PTPRT: variants seen among roughly 807,000 people sequenced by gnomAD.
The protein encoded by PTPRT is receptor-type tyrosine-protein phosphatase T.
PTPRT carries 56 observed loss-of-function variants against 176.8 expected under a neutral mutation model. The observed-to-expected ratio is 0.32, with a 90% CI of 0.26 to 0.40. The LOEUF (loss-of-function observed/expected upper bound fraction) is 0.40, where lower values mean the gene tolerates loss of function less well. Among genes scored for constraint, PTPRT ranks in the 10% least tolerant of loss-of-function variants. The pLI is 1.00. For synonymous variants in PTPRT, 783 were observed against 739.0 expected (o/e 1.06, Z -0.96); for missense variants, 1,540 against 1,908.2 (o/e 0.81, Z 3.60).
chr20:42,994,399 T>C (rs1217439630), intron 1 of PTPRT, among the ~76,000 whole-genome samples: 1 of 152,170 alleles, frequency 6.6e-6, no homozygotes, highest in African/African-American at 2.4e-5. Context: ...GTGACTTGAA[T>C]TAGAAATCAC....
chr20:42,141,868 T>C (rs1359129349), intron 18 of PTPRT, 47 bp downstream of exon 18: 1 of 1,512,206 alleles, frequency 6.6e-7, no homozygotes, highest in Non-Finnish European at 9.2e-7. Context: ...TCTTTTCCCC[T>C]GCATCCTCAA....
intron 15 of PTPRT, 76 bp downstream of exon 15, chr20:42,236,153 T>C (rs887805452): frequency 1.6e-6 from 2 of 1,274,842 alleles, no homozygotes; most frequent in African/African-American, 3.0e-5. Context: ...AACAGACACT[T>C]GGTTGGTGCA....
At chr20:42,425,318 G>A (rs560850620) in intron 9 of PTPRT, among the ~76,000 whole-genome samples, 10 of 152,308 alleles carry the variant, frequency 6.6e-5, no homozygotes, top group African/African-American at 2.4e-4. Context: ...GAGGAGGTGA[G>A]ATGAAGTCTC....
At chr20:42,348,551 A>G (rs1158434484) in intron 11 of PTPRT, among the ~76,000 whole-genome samples, 1 of 152,134 alleles carries the variant, frequency 6.6e-6, no homozygotes, top group African/African-American at 2.4e-5. Flanking sequence ...GCCTGAGTCA[A>G]CTGACTTAGC....
intron 13 of PTPRT, among the ~76,000 whole-genome samples, chr20:42,256,223 A>G (rs2056636335): frequency 6.6e-6 from 1 of 152,170 alleles, no homozygotes; most frequent in Non-Finnish European, 1.5e-5. Context: ...AGCACCATAA[A>G]CCTTCTTGAT....
At chr20:42,652,775 C>G (rs1044941944) in intron 7 of PTPRT, among the ~76,000 whole-genome samples, 13 of 152,156 alleles carry the variant, frequency 8.5e-5, no homozygotes, top group Non-Finnish European at 1.5e-4. Flanking sequence ...GTGCAGATTT[C>G]CTGAACAGTG....
At chr20:42,035,141 C>T in the PTPRT span, among the ~76,000 whole-genome samples, 1 of 152,190 alleles carries the variant, frequency 6.6e-6, no homozygotes. Context: ...GCTAAGTCCA[C>T]ATTCAAATTT....
rs1569113401 is a variant in PTPRT, at chr20:42,725,009, T to TGTGTGTGTGTGTGTG, written c.859+31452_859+31453insCACACACACACACAC. On this transcript the variant is annotated intron_variant, in intron 6 of 30. Transcript: ENST00000373187. ...CTTGACAGCAGGATGTGGACATCTT[T>TGTGTGTGTGTGTGTG]TGTGTGTGTGTGTGTGTGTGTGTGT... 1.1e-3 allele frequency among the ~76,000 whole-genome samples: 141 copies of TGTGTGTGTGTGTGTG among 134,038 alleles called. 2 individuals carry two copies. The highest frequency in any genetic ancestry group is 3.5e-3 in the African/African-American group (135 of 38,050). The allele number at this position is 134,038 out of a possible 152,430, so 87.9% of individuals were successfully genotyped here.
At chr20:42,981,086 T>A (rs989617480) in intron 1 of PTPRT, among the ~76,000 whole-genome samples, 2 of 152,216 alleles carry the variant, frequency 1.3e-5, no homozygotes, top group African/African-American at 4.8e-5. Flanking sequence ...TCTTAAGAAT[T>A]CCTCGTCCCT....
chr20:42,700,016 A>T lies in PTPRT; in HGVS notation c.860-21857T>A, dbSNP rs574854131. Among the ~76,000 whole-genome samples, 4 of 152,178 alleles carry T rather than the reference A, an allele frequency of 2.6e-5. No individual in the cohort carries two copies. In the South Asian group the frequency reaches 8.3e-4, roughly 32 times the overall value. ...CAGGTCTTGATCCTTCTCCCTGACA[A>T]CAGCAGTGAGACCCTGACCCCTGAT... On this transcript the variant is annotated intron_variant, in intron 6 of 30. Coordinates refer to ENST00000373187, the MANE Select transcript of PTPRT (RefSeq NM_007050.6).
intron 8 of PTPRT, among the ~76,000 whole-genome samples, chr20:42,455,907 C>G (rs559632275): frequency 1.4e-3 from 210 of 152,118 alleles, no homozygotes; most frequent in African/African-American, 4.8e-3. Flanking sequence ...GTACTCTTAC[C>G]TTTTCTCTTT....
At chr20:42,055,264 C>T in the PTPRT span, among the ~76,000 whole-genome samples, 7 of 152,184 alleles carry the variant, frequency 4.6e-5, no homozygotes, top group Non-Finnish European at 8.8e-5. Flanking sequence ...AGTTTTCCCC[C>T]AGTTTTTGTG....
At chr20:43,151,727 G>A (rs1448447616) in intron 1 of PTPRT, among the ~76,000 whole-genome samples, 1 of 152,066 alleles carries the variant, frequency 6.6e-6, no homozygotes, top group African/African-American at 2.4e-5. Flanking sequence ...GCCAGGCATG[G>A]TGGCACATAT....
intron 2 of PTPRT, among the ~76,000 whole-genome samples, chr20:42,802,722 G>T (rs549143290): frequency 6.6e-6 from 1 of 152,248 alleles, no homozygotes; most frequent in East Asian, 1.9e-4. Flanking sequence ...CATTACAAGG[G>T]TCATTTCTTG....
At chr20:42,510,175 A>G (rs933537509) in intron 7 of PTPRT, among the ~76,000 whole-genome samples, 1 of 152,116 alleles carries the variant, frequency 6.6e-6, no homozygotes, top group Non-Finnish European at 1.5e-5. Flanking sequence ...TGAGTCCAAA[A>G]GCACCATCAT....
At chr20:42,881,117 A>C (rs2079004673) in intron 2 of PTPRT, among the ~76,000 whole-genome samples, 1 of 152,174 alleles carries the variant, frequency 6.6e-6, no homozygotes, top group East Asian at 1.9e-4. Flanking sequence ...AGATTGCAAG[A>C]ACCAGAAAAC....
chr20:42,111,041 GAAAC>G (rs1023640188), intron 22 of PTPRT, among the ~76,000 whole-genome samples: 47 of 152,096 alleles, frequency 3.1e-4, no homozygotes, highest in African/African-American at 9.7e-4. Context: ...CATAAGATGC[GAAAC>G]AAACAAAGGC....
At chr20:42,462,931 T>C (rs760512138) in intron 8 of PTPRT, among the ~76,000 whole-genome samples, 1 of 152,162 alleles carries the variant, frequency 6.6e-6, no homozygotes, top group Non-Finnish European at 1.5e-5. Flanking sequence ...CATAGTGAAG[T>C]AGTGGATGAA....
chr20:42,165,819 G>A (rs1387332967), intron 16 of PTPRT, among the ~76,000 whole-genome samples: 1 of 152,112 alleles, frequency 6.6e-6, no homozygotes, highest in Non-Finnish European at 1.5e-5. Flanking sequence ...CACACAGTGG[G>A]GCAAAGAGGT....
Sources: gnomAD v4.1 joint callset for allele counts (sites outside exome capture counted in the v4.1 genomes callset) on GRCh38, gnomAD v4.1.1 for gene constraint, MANE v1.5 for transcripts, NCBI Gene and HGNC (gene_info 2026-07-23, HGNC 2026-07-21) for gene names.